Variants in PAX3 observed in about 807,000 individuals in gnomAD.
The protein encoded by PAX3 is paired box 3.
A neutral mutation model predicts 51.6 loss-of-function variants in PAX3; 14 were observed. The ratio of observed to expected loss-of-function variants is 0.27; its 90% CI spans 0.18 to 0.42. The LOEUF (loss-of-function observed/expected upper bound fraction) is 0.42. PAX3 is among the 10% of genes least tolerant of loss of function. The pLI, the probability that PAX3 is intolerant of heterozygous loss-of-function variation, is 1.00. For synonymous variants in PAX3, 280 were observed against 253.4 expected (o/e 1.11, Z -1.00); for missense variants, 540 against 642.8 (o/e 0.84, Z 1.73).
chr2:222,233,399 G>C (rs1218652902), intron 4 of PAX3, among the ~76,000 whole-genome samples: 1 of 152,158 alleles, frequency 6.6e-6, no homozygotes, highest in East Asian at 1.9e-4. Flanking sequence ...TAGTACTCCT[G>C]TAAGAACAGG....
At chr2:222,226,197 G>A (rs1692378838) in intron 5 of PAX3, among the ~76,000 whole-genome samples, 1 of 152,140 alleles carries the variant, frequency 6.6e-6, no homozygotes, top group Non-Finnish European at 1.5e-5. Flanking sequence ...TAAAACGTTT[G>A]GTTAAATACT....
At chr2:222,252,899 G>A (rs1292671941) in intron 4 of PAX3, among the ~76,000 whole-genome samples, 1 of 152,160 alleles carries the variant, frequency 6.6e-6, no homozygotes, top group African/African-American at 2.4e-5. Flanking sequence ...TTGGTGCTAT[G>A]ATTAGTTTAG....
intron 4 of PAX3, among the ~76,000 whole-genome samples, chr2:222,278,412 A>G (rs1694507505): frequency 6.6e-6 from 1 of 152,178 alleles, no homozygotes; most frequent in Non-Finnish European, 1.5e-5. Context: ...AGGATTTAAG[A>G]GCTCAGCCCA....
intron 4 of PAX3, among the ~76,000 whole-genome samples, chr2:222,285,837 G>A (rs1694813995): frequency 6.6e-6 from 1 of 152,146 alleles, no homozygotes. Flanking sequence ...ATATGATCCT[G>A]TAAATTTTTA....
intron 7 of PAX3, among the ~76,000 whole-genome samples, chr2:222,212,816 C>T (rs1212516197): frequency 1.3e-5 from 2 of 152,176 alleles, no homozygotes; most frequent in Non-Finnish European, 2.9e-5. Flanking sequence ...TCGCATTCCA[C>T]CCACATATAA....
At chr2:222,245,562 A>G (rs966210566) in intron 4 of PAX3, among the ~76,000 whole-genome samples, 1 of 152,210 alleles carries the variant, frequency 6.6e-6, no homozygotes, top group African/African-American at 2.4e-5. Flanking sequence ...TTGCCTTTTC[A>G]GGGACAATCT....
At chr2:222,218,591 C>A (rs1692060485) in intron 7 of PAX3, among the ~76,000 whole-genome samples, 2 of 152,146 alleles carry the variant, frequency 1.3e-5, no homozygotes, top group Non-Finnish European at 2.9e-5. Context: ...GAGATAAGTA[C>A]TTCTGATGTT....
intron 7 of PAX3, among the ~76,000 whole-genome samples, chr2:222,203,766 T>C (rs1691398850): frequency 6.6e-6 from 1 of 152,202 alleles, no homozygotes; most frequent in South Asian, 2.1e-4. Flanking sequence ...AAAATCTTCT[T>C]GAACTAAAGC....
At chr2:222,288,894 T>C (rs908877099) in intron 4 of PAX3, among the ~76,000 whole-genome samples, 5 of 152,250 alleles carry the variant, frequency 3.3e-5, no homozygotes, top group African/African-American at 1.2e-4. Flanking sequence ...CTTTGATCTC[T>C]ATGGTTAAGA....
chr2:222,263,209 A>G (rs757027175), intron 4 of PAX3: 1 of 152,196 alleles, frequency 6.6e-6, no homozygotes, highest in African/African-American at 2.4e-5. Flanking sequence ...TGCAAATCAC[A>G]TATCTGACAA....
intron 4 of PAX3, among the ~76,000 whole-genome samples, chr2:222,282,654 C>T (rs1489296334): frequency 6.6e-6 from 1 of 152,086 alleles, no homozygotes; most frequent in East Asian, 1.9e-4. Context: ...TAAAACTACC[C>T]ACAATTTTTC....
chr2:222,219,050 A>C (rs1168536068), intron 7 of PAX3, among the ~76,000 whole-genome samples: 1 of 152,230 alleles, frequency 6.6e-6, no homozygotes, highest in Admixed American at 6.5e-5. Context: ...ACGAAGAGGC[A>C]AAGATATACG....
At position 222,201,319 on chromosome 2, in the gene PAX3, A is replaced by T. The variant is rs1032232415; in HGVS notation, c.*89T>A. 6.3e-7 allele frequency: 1 copy of T among 1,596,282 alleles called. No homozygotes were observed. Among genetic ancestry groups the T allele is most frequent in the African/African-American group, 1.4e-5 (1 of 72,828 alleles). On this transcript the variant is annotated 3_prime_UTR_variant, in exon 9 of 9. Coordinates refer to ENST00000392070, the MANE Select transcript of PAX3 (RefSeq NM_181458.4). ...CCCCACCCCCCCCAACAAAAGGGTA[A>T]TTTTTTTTTGTTTTCAGAGCAGATT...
At chr2:222,293,499 G>T in intron 4 of PAX3, 1 of 805,122 alleles carries the variant, frequency 1.2e-6, no homozygotes, top group Non-Finnish European at 1.9e-6. Context: ...ACCCCTAGAA[G>T]ACAGAGGGTG....
intron 4 of PAX3, among the ~76,000 whole-genome samples, chr2:222,236,225 A>G (rs912152324): frequency 1.1e-4 from 16 of 152,316 alleles, no homozygotes; most frequent in African/African-American, 3.6e-4. Context: ...CACTTGATTC[A>G]CAATGATCAC....
At chr2:222,216,080 G>A (rs966091657) in intron 7 of PAX3, among the ~76,000 whole-genome samples, 1 of 152,124 alleles carries the variant, frequency 6.6e-6, no homozygotes, top group African/African-American at 2.4e-5. Flanking sequence ...CCCACCATTT[G>A]TGAAGCCATT....
chr2:222,280,013 C>T (rs112298561), intron 4 of PAX3, among the ~76,000 whole-genome samples: 15,430 of 151,988 alleles, frequency 0.1, 827 homozygotes, highest in South Asian at 0.14. Context: ...GAGTTTGAGC[C>T]CAGCCTGGCC....
chr2:222,294,784 A>G (rs372989593), intron 3 of PAX3, among the ~76,000 whole-genome samples: 19 of 56,940 alleles, frequency 3.3e-4, no homozygotes, highest in African/African-American at 7.4e-4. Context: ...CCGTAAATCA[A>G]GTTTCTTTTT....
intron 4 of PAX3, among the ~76,000 whole-genome samples, chr2:222,259,143 T>C (rs1278933440): frequency 6.6e-6 from 1 of 152,208 alleles, no homozygotes; most frequent in Non-Finnish European, 1.5e-5. Context: ...AGATCTACTT[T>C]CCAAGAGTGG....
Sources: allele counts gnomAD v4.1 joint callset (sites outside exome capture counted in the v4.1 genomes callset), GRCh38; gene constraint gnomAD v4.1.1; transcripts MANE v1.5; gene names NCBI Gene and HGNC (gene_info 2026-07-23, HGNC 2026-07-21).